The following SHROOM3 variants were observed in gnomAD, a reference collection of about 807,000 sequenced individuals.
SHROOM3 encodes protein Shroom3.
Under a neutral mutation model 138.6 loss-of-function variants are expected in SHROOM3, and 47 were observed. That is an observed-to-expected ratio of 0.34 (90% CI 0.27 to 0.43). SHROOM3 has a LOEUF of 0.43. SHROOM3 is among the 20% of genes least tolerant of loss of function. SHROOM3 has a pLI of 1.00. For synonymous variants in SHROOM3, 1,062 were observed against 1,063.3 expected (o/e 1.00, Z 0.02); for missense variants, 2,491 against 2,596.5 (o/e 0.96, Z 0.88).
At chr4:76,771,553 C>G (rs1345677413) in intron 10 of SHROOM3, among the ~76,000 whole-genome samples, 1 of 152,112 alleles carries the variant, frequency 6.6e-6, no homozygotes, top group African/African-American at 2.4e-5. Context: ...GCTTAAGGCT[C>G]CAGGGCATCT....
Position 76,555,756 on chromosome 4 carries a change from G to C in SHROOM3, c.316G>C (p.Val106Leu), listed in dbSNP as rs144913986. 799 of 1,612,848 alleles carry C rather than the reference G, an allele frequency of 5.0e-4. No individual in the cohort carries two copies. In the Middle Eastern group the frequency reaches 5.8e-3, roughly 12 times the overall value. Residue 106 changes from valine to leucine, a missense_variant, in exon 2 of 11, where the codon GTG (valine) becomes CTG (leucine). This residue lies in a region of SHROOM3 where 284 missense variants were observed against 322.8 expected (regional missense o/e 0.88). Coordinates refer to ENST00000296043, the MANE Select transcript of SHROOM3 (RefSeq NM_020859.4). ...ATCCTACAAGACCCTCAGGCTGGTA[G>C]TGCGCAGGTAGGTGGCAGACCCCCA... ...KGSYKTLRLV[V>L]RRDVCTDPGH...
rs555772735 is a variant in SHROOM3 at position 76,597,532 on chromosome 4, C to T, written c.323+41769C>T. Among the ~76,000 whole-genome samples, 11 of 151,976 alleles carry T rather than the reference C, an allele frequency of 7.2e-5. No individual in the cohort carries two copies. The South Asian group carries it at 8.3e-4, about 11-fold the overall frequency. On this transcript the variant is annotated intron_variant, in intron 2 of 10. Coordinates refer to ENST00000296043, the MANE Select transcript of SHROOM3 (RefSeq NM_020859.4). ...GAGTAGAGGGTCCCACAAATTCCCA[C>T]GCACCCACCCTCCAGCTGGATGGCT...
At chr4:76,438,504 G>A (rs1298218030) in intron 1 of SHROOM3, among the ~76,000 whole-genome samples, 2 of 152,156 alleles carry the variant, frequency 1.3e-5, no homozygotes, top group African/African-American at 4.8e-5. Flanking sequence ...ATTTGCACTT[G>A]TTGCATTCCA....
chr4:76,446,406 C>A (rs946076201), intron 1 of SHROOM3, among the ~76,000 whole-genome samples: 4 of 137,892 alleles, frequency 2.9e-5, no homozygotes, highest in Admixed American at 7.3e-5. Context: ...GTGCCCTGCT[C>A]GGTGAAATGG....
At chr4:76,621,371 G>A (rs943791453) in intron 2 of SHROOM3, among the ~76,000 whole-genome samples, 2 of 152,306 alleles carry the variant, frequency 1.3e-5, no homozygotes, top group East Asian at 3.9e-4. Context: ...CGCTGATTAA[G>A]AGAAAACACA....
chr4:76,607,832 T>C (rs948565856), intron 2 of SHROOM3, among the ~76,000 whole-genome samples: 8 of 152,220 alleles, frequency 5.3e-5, no homozygotes, highest in Non-Finnish European at 1.2e-4. Context: ...TGGTAATCCA[T>C]GGAAATGAGT....
At chr4:76,773,623 G>T (rs543956071) in intron 10 of SHROOM3, among the ~76,000 whole-genome samples, 1 of 152,148 alleles carries the variant, frequency 6.6e-6, no homozygotes. Flanking sequence ...AGCTGCAGCT[G>T]CCCTATAGCA....
chr4:76,592,047 C>T (rs10012259), intron 2 of SHROOM3, among the ~76,000 whole-genome samples: 1 of 151,948 alleles, frequency 6.6e-6, no homozygotes, highest in Non-Finnish European at 1.5e-5. Flanking sequence ...TGGCAGAGAG[C>T]GTATTGCAAT....
chr4:76,454,359 G>T (rs1188011378), intron 1 of SHROOM3, among the ~76,000 whole-genome samples: 3 of 152,068 alleles, frequency 2.0e-5, no homozygotes, highest in Non-Finnish European at 2.9e-5. Flanking sequence ...TTCTTATATG[G>T]TATAAGGTAA....
intron 2 of SHROOM3, among the ~76,000 whole-genome samples, chr4:76,640,745 A>G (rs1222025739): frequency 6.6e-6 from 1 of 152,176 alleles, no homozygotes. Flanking sequence ...AAATGCCCAA[A>G]AGCCGGATGA....
intron 3 of SHROOM3, among the ~76,000 whole-genome samples, chr4:76,711,955 C>G (rs1720241673): frequency 6.6e-6 from 1 of 152,120 alleles, no homozygotes; most frequent in African/African-American, 2.4e-5. Flanking sequence ...ACCTCTGACT[C>G]AAGAGATCCA....
intron 1 of SHROOM3, among the ~76,000 whole-genome samples, chr4:76,438,526 G>A (rs886124721): frequency 6.6e-6 from 1 of 152,134 alleles, no homozygotes; most frequent in African/African-American, 2.4e-5. Context: ...GAGTCGTACT[G>A]TTCCGAAGCT....
chr4:76,673,865 A>C (rs939311397), intron 2 of SHROOM3, among the ~76,000 whole-genome samples: 1 of 152,104 alleles, frequency 6.6e-6, no homozygotes, highest in Non-Finnish European at 1.5e-5. Flanking sequence ...TTGTGTTTTA[A>C]AAATATTTAT....
At chr4:76,641,558 T>A (rs890123872) in intron 2 of SHROOM3, among the ~76,000 whole-genome samples, 5 of 152,212 alleles carry the variant, frequency 3.3e-5, no homozygotes, top group Non-Finnish European at 5.9e-5. Context: ...AACATTTGCA[T>A]GTCACAGGCT....
At chr4:76,531,233 A>T (rs1289838849) in intron 1 of SHROOM3, among the ~76,000 whole-genome samples, 4 of 152,196 alleles carry the variant, frequency 2.6e-5, no homozygotes, top group African/African-American at 9.7e-5. Flanking sequence ...CTGTGTCCCA[A>T]CACCAGCATC....
chr4:76,471,735 C>T (rs968141625), intron 1 of SHROOM3, among the ~76,000 whole-genome samples: 1 of 152,142 alleles, frequency 6.6e-6, no homozygotes, highest in Non-Finnish European at 1.5e-5. Flanking sequence ...TTACCTTAAA[C>T]ACCATTTTTT....
chr4:76,606,731 C>T (rs13131305), intron 2 of SHROOM3, among the ~76,000 whole-genome samples: 31,710 of 151,940 alleles, frequency 0.21, 4,148 homozygotes, highest in East Asian at 0.43. Flanking sequence ...TACATACATA[C>T]GTACATAAAT....
chr4:76,589,756 T>C (rs1171355330), intron 2 of SHROOM3, among the ~76,000 whole-genome samples: 1 of 152,236 alleles, frequency 6.6e-6, no homozygotes, highest in Non-Finnish European at 1.5e-5. Flanking sequence ...GAAGGGAATC[T>C]CCAAGTTCTT....
intron 1 of SHROOM3, among the ~76,000 whole-genome samples, chr4:76,552,031 T>G: frequency 8.2e-6 from 1 of 121,350 alleles, no homozygotes; most frequent in African/African-American, 3.3e-5. Flanking sequence ...CCGGCTAATT[T>G]TTTGTATCTT....
Sources: allele counts gnomAD v4.1 joint callset (sites outside exome capture counted in the v4.1 genomes callset), GRCh38; gene constraint gnomAD v4.1.1; regional missense constraint gnomAD v4.1.1; transcripts MANE v1.5; gene names NCBI Gene and HGNC (gene_info 2026-07-23, HGNC 2026-07-21).